The following CREG2 variants were observed in gnomAD, a reference collection of about 807,000 sequenced individuals.
CREG2 encodes cellular repressor of E1A stimulated genes 2, also known as protein CREG2.
Under a neutral mutation model 26.2 loss-of-function variants are expected in CREG2, and 24 were observed. The observed-to-expected ratio is 0.92, with a 90% CI of 0.66 to 1.29. The LOEUF (loss-of-function observed/expected upper bound fraction) is 1.29. Ranked by LOEUF, CREG2 falls within the 50% of genes most tolerant of loss-of-function variation. The pLI is 0.00. For synonymous variants in CREG2, 174 were observed against 169.2 expected (o/e 1.03, Z -0.22); for missense variants, 366 against 398.6 (o/e 0.92, Z 0.70).
chr2:101,353,226 A>G (rs1365950897), intron 3 of CREG2, among the ~76,000 whole-genome samples: 1 of 152,166 alleles, frequency 6.6e-6, no homozygotes, highest in Non-Finnish European at 1.5e-5. Context: ...CTCTCTGATG[A>G]TAGCTTCTTT....
chr2:101,373,589 AT>A (rs2104480876), intron 2 of CREG2, among the ~76,000 whole-genome samples: 1 of 152,314 alleles, frequency 6.6e-6, no homozygotes, highest in South Asian at 2.1e-4. Context: ...TAAATAAAAC[AT>A]TGATAAGCTG....
intron 2 of CREG2, among the ~76,000 whole-genome samples, chr2:101,372,717 C>G (rs1415268746): frequency 1.3e-5 from 2 of 152,154 alleles, no homozygotes; most frequent in African/African-American, 4.8e-5. Flanking sequence ...GAGAAAGACA[C>G]ATAAACACAA....
Position 101,387,111 on chromosome 2 carries a change from G to A in CREG2, c.347C>T (p.Ala116Val). The change falls in exon 1 of 4, where the codon GCG becomes GTG. Residue 116 changes from alanine to valine, a missense_variant. Coordinates refer to ENST00000324768, the MANE Select transcript of CREG2 (RefSeq NM_153836.4). This position sits in a 1 kb window ranked among gnomAD's most constrained non-coding sequence, Gnocchi z 4.7. ...YRREGGQTASAPPGPRLRAAT... is the reference protein window; with the variant it reads ...YRREGGQTASVPPGPRLRAAT... The stretch of plus-strand genomic sequence containing the variant: ...GGCGCGCAGTCTAGGGCCCGGGGGC[G>A]CACTGGCCGTCTGGCCGCCCTCGCG... 1 of 1,243,572 alleles carries A rather than the reference G, an allele frequency of 8.0e-7. No homozygotes were observed. The highest frequency in any genetic ancestry group is 1.0e-6 in the Non-Finnish European group (1 of 995,240). The allele number at this position is 1,243,572 out of a possible 1,614,324, so 77.0% of individuals were successfully genotyped here. A position where few individuals can be genotyped will look rare whatever the true frequency, so the allele number is the denominator to read the frequency against.
At chr2:101,365,016 A>T (rs1684599202) in intron 2 of CREG2, among the ~76,000 whole-genome samples, 1 of 152,180 alleles carries the variant, frequency 6.6e-6, no homozygotes, top group Admixed American at 6.5e-5. Context: ...GAAATTCTGG[A>T]TGTGGTGCTT....
intron 2 of CREG2, among the ~76,000 whole-genome samples, chr2:101,372,722 A>T (rs1333837064): frequency 2.0e-5 from 3 of 152,218 alleles, no homozygotes; most frequent in Non-Finnish European, 2.9e-5. Flanking sequence ...AGACACATAA[A>T]CACAATATTT....
At chr2:101,375,352 G>A (rs558256259) in intron 2 of CREG2, among the ~76,000 whole-genome samples, 143 of 152,190 alleles carry the variant, frequency 9.4e-4, no homozygotes, top group African/African-American at 3.1e-3. Flanking sequence ...AAACCACACC[G>A]AGGCCTGTCA....
chr2:101,372,055 A>G (rs560284888), intron 2 of CREG2, among the ~76,000 whole-genome samples: 9 of 151,014 alleles, frequency 6.0e-5, no homozygotes, highest in Middle Eastern at 3.4e-3. Context: ...TGATGGGTAG[A>G]TGGATGGAAG....
At chr2:101,384,351 T>C (rs1684930197) in intron 1 of CREG2, among the ~76,000 whole-genome samples, 1 of 152,188 alleles carries the variant, frequency 6.6e-6, no homozygotes, top group South Asian at 2.1e-4. Flanking sequence ...GATATGCCAA[T>C]TTTTCTTCAT....
chr2:101,368,115 C>T (rs1003172556), intron 2 of CREG2, among the ~76,000 whole-genome samples: 1 of 151,996 alleles, frequency 6.6e-6, no homozygotes, highest in African/African-American at 2.4e-5. Context: ...AGTGAAACCC[C>T]GTCTCTATTA....
chr2:101,380,355 G>C (rs1325144331), intron 2 of CREG2, among the ~76,000 whole-genome samples: 1 of 152,226 alleles, frequency 6.6e-6, no homozygotes, highest in Non-Finnish European at 1.5e-5. Flanking sequence ...AGAGTCTGCA[G>C]TAACCGGGGC....
chr2:101,353,925 T>C (rs895796332), intron 3 of CREG2, among the ~76,000 whole-genome samples: 1 of 151,928 alleles, frequency 6.6e-6, no homozygotes, highest in Non-Finnish European at 1.5e-5. Context: ...TGAGAACACA[T>C]GGACACAGGG....
At chr2:101,354,378 T>C (rs1684424091) in intron 3 of CREG2, among the ~76,000 whole-genome samples, 2 of 152,264 alleles carry the variant, frequency 1.3e-5, no homozygotes, top group Admixed American at 1.3e-4. Context: ...CCAATCATTC[T>C]AGTTTTCTCC....
At chr2:101,360,668 A>G (rs1461913117) in intron 2 of CREG2, among the ~76,000 whole-genome samples, 2 of 151,734 alleles carry the variant, frequency 1.3e-5, no homozygotes, top group Non-Finnish European at 2.9e-5. Context: ...AACCTGGGAG[A>G]CGGAAGTTGC....
intron 2 of CREG2, among the ~76,000 whole-genome samples, chr2:101,377,052 T>C (rs1352760361): frequency 6.6e-6 from 1 of 152,166 alleles, no homozygotes; most frequent in Non-Finnish European, 1.5e-5. Context: ...TATCAAAATA[T>C]TATAAATTCT....
chr2:101,346,327 AC>A lies in CREG2; in HGVS notation c.*4595del, dbSNP rs1684306624. 6.6e-6 allele frequency: 1 copy of A among 152,160 alleles called. No individual in the cohort carries two copies. Among genetic ancestry groups the A allele is most frequent in the South Asian group, 2.1e-4 (1 of 4,824 alleles). 9.4% of individuals were successfully genotyped at this position (152,160 alleles called of 1,614,324 possible). A position where few individuals can be genotyped will look rare whatever the true frequency, so the allele number is the denominator to read the frequency against. On this transcript the variant is annotated 3_prime_UTR_variant, in exon 4 of 4. Transcript: ENST00000324768. ...ATTCACTAAAACAGAATTATTTCCC[AC>A]AATATTTAGGGGAAGATTACTGGAA...
chr2:101,383,832 C>T, intron 1 of CREG2, 130 bp from the exon 2 acceptor site: 1 of 809,038 alleles, frequency 1.2e-6, no homozygotes. Context: ...CACAGTGGCT[C>T]TGACAGGTAG....
At chr2:101,379,057 C>T (rs1160094749) in intron 2 of CREG2, among the ~76,000 whole-genome samples, 2 of 151,954 alleles carry the variant, frequency 1.3e-5, no homozygotes, top group Non-Finnish European at 2.9e-5. Flanking sequence ...AGTACTTTTC[C>T]AGCTGAAAGT....
At chr2:101,352,766 C>T (rs568433275) in intron 3 of CREG2, among the ~76,000 whole-genome samples, 106 of 152,260 alleles carry the variant, frequency 7.0e-4, no homozygotes, top group African/African-American at 2.5e-3. Context: ...CGAGATCATG[C>T]CACTGCACTC....
At chr2:101,362,259 C>G (rs903302902) in intron 2 of CREG2, among the ~76,000 whole-genome samples, 3 of 152,044 alleles carry the variant, frequency 2.0e-5, no homozygotes, top group Non-Finnish European at 2.9e-5. Context: ...CACTGGATTA[C>G]AAAGGAGCCA....
Sources: gnomAD v4.1 joint callset for allele counts (sites outside exome capture counted in the v4.1 genomes callset) on GRCh38, gnomAD v4.1.1 for gene constraint, Gnocchi (gnomAD v3.1) non-coding constraint, MANE v1.5 for transcripts, NCBI Gene and HGNC (gene_info 2026-07-23, HGNC 2026-07-21) for gene names.